The following GUSB variants were observed in gnomAD, a reference collection of about 807,000 sequenced individuals.
GUSB encodes the protein glucuronidase beta, also known as beta-glucuronidase.
A neutral mutation model predicts 74.6 loss-of-function variants in GUSB; 51 were observed. The ratio of observed to expected loss-of-function variants is 0.68; its 90% CI spans 0.55 to 0.86. The LOEUF (loss-of-function observed/expected upper bound fraction) is 0.86. Among genes scored for constraint, GUSB ranks in the 40% least tolerant of loss-of-function variants. GUSB has a pLI of 0.00. For synonymous variants in GUSB, 360 were observed against 348.3 expected, an observed-to-expected ratio of 1.03 and a Z score of -0.37; for missense variants, 736 against 853.7, an observed-to-expected ratio of 0.86 and a Z score of 1.72.
At chr7:65,965,293 C>T (rs1790761498) in intron 10 of GUSB, among the ~76,000 whole-genome samples, 1 of 151,542 alleles carries the variant, frequency 6.6e-6, no homozygotes, top group Non-Finnish European at 1.5e-5. Context: ...GCAGTTCAAG[C>T]TACTTGGGGC....
At chr7:65,962,018 A>G (rs549798702) in intron 11 of GUSB, among the ~76,000 whole-genome samples, 70 of 150,332 alleles carry the variant, frequency 4.7e-4, no homozygotes, top group African/African-American at 1.6e-3. Flanking sequence ...AAAAAAAAGC[A>G]CTAAAAGTTT....
chr7:65,971,823 C>G (rs938029458), intron 8 of GUSB, among the ~76,000 whole-genome samples: 11 of 151,904 alleles, frequency 7.2e-5, no homozygotes, highest in African/African-American at 2.7e-4. Context: ...GGCAGATAAC[C>G]TGAGGTTGGG....
intron 4 of GUSB, among the ~76,000 whole-genome samples, chr7:65,979,059 A>G (rs2116021560): frequency 6.6e-6 from 1 of 152,132 alleles, no homozygotes; most frequent in Middle Eastern, 3.4e-3. Context: ...ATAAGCCACC[A>G]TGCCCGGCGC....
intron 4 of GUSB, among the ~76,000 whole-genome samples, chr7:65,977,451 C>T (rs1791657869): frequency 6.6e-6 from 1 of 152,102 alleles, no homozygotes; most frequent in Non-Finnish European, 1.5e-5. Flanking sequence ...CTGTTCTAAA[C>T]TTAACTTCCA....
At chr7:65,970,424 C>T (rs1419157806) in intron 8 of GUSB, 58 bp from the exon 9 acceptor site, 3 of 1,044,266 alleles carry the variant, frequency 2.9e-6, no homozygotes, top group African/African-American at 1.6e-5. Context: ...CTCAGACACC[C>T]TCCCATCCTC....
In GUSB at chr7:65,980,274, G is replaced by A. The variant is rs753883162; in HGVS notation, c.346C>T (p.Arg116Cys). 49 of 1,610,472 alleles carry A rather than the reference G, an allele frequency of 3.0e-5. No individual in the cohort carries two copies. The highest frequency in any genetic ancestry group is 3.8e-5 in the Non-Finnish European group (45 of 1,178,734). The change falls in exon 2 of 12, where the codon CGC (arginine) becomes TGC (cysteine). Residue 116 changes from arginine (R) to cysteine (C), a missense_variant. Around this residue, in one of 2 missense-constraint regions of GUSB, gnomAD observed 368 missense variants for 363.8 expected, o/e 1.01. Transcript: ENST00000304895. The stretch of plus-strand genomic sequence containing the variant: ...CCAATCCTCAGCACCACTCTTGTGC[G>A]CAGGTCCTGGGTCCATCGCTCCGGC... ...ILPERWTQDL[R>C]TRVVLRIGSA...
chr7:65,969,557 C>T (rs765261348), intron 9 of GUSB, among the ~76,000 whole-genome samples: 2 of 151,800 alleles, frequency 1.3e-5, no homozygotes, highest in Non-Finnish European at 1.5e-5. Flanking sequence ...ATTAGCTAGG[C>T]GCAGTGGTGA....
At chr7:65,973,245 A>G (rs1473542205) in intron 8 of GUSB, among the ~76,000 whole-genome samples, 1 of 152,172 alleles carries the variant, frequency 6.6e-6, no homozygotes, top group Non-Finnish European at 1.5e-5. Flanking sequence ...TGAGGTCAGT[A>G]GTCCAAGACC....
chr7:65,970,198 T>C (rs1323820266), intron 9 of GUSB, 84 bp downstream of exon 9: 1 of 828,870 alleles, frequency 1.2e-6, no homozygotes, highest in Non-Finnish European at 2.1e-6. Context: ...AGCGCATGGT[T>C]CTTCCTGGCT....
intron 8 of GUSB, among the ~76,000 whole-genome samples, chr7:65,971,258 C>T (rs1444594465): frequency 1.3e-5 from 2 of 152,188 alleles, no homozygotes; most frequent in Non-Finnish European, 2.9e-5. Context: ...TCAGCAGTGA[C>T]TCAAATCTAA....
rs1318093221 is a variant in GUSB at position 65,982,055 on chromosome 7, G to T, written c.129C>A (p.Gly43=). The T allele has an allele frequency of 2.5e-6, 4 of 1,610,852 alleles. No homozygotes were observed. In the East Asian group the frequency reaches 8.9e-5, roughly 36 times the overall value. ...SPSRECKELD[G]LWSFRADFSD... Reference sequence around the variant, plus strand: ...AGAAGTCGGCGCGGAAGCTCCAGAGGCCGTCCAGCTCCTTGCACTCCCGCG... The same window carrying T: ...AGAAGTCGGCGCGGAAGCTCCAGAGTCCGTCCAGCTCCTTGCACTCCCGCG... The change falls in exon 1 of 12, where the codon GGC becomes GGA. Residue 43 remains glycine (G), a synonymous_variant. Transcript: ENST00000304895.
chr7:65,961,847 C>T (rs992542606), intron 11 of GUSB, among the ~76,000 whole-genome samples: 1 of 152,030 alleles, frequency 6.6e-6, no homozygotes, highest in African/African-American at 2.4e-5. Context: ...ACTAAAAATA[C>T]AAAAATTATA....
intron 8 of GUSB, among the ~76,000 whole-genome samples, chr7:65,972,737 C>A (rs1174489282): frequency 6.6e-6 from 1 of 152,140 alleles, no homozygotes; most frequent in Non-Finnish European, 1.5e-5. Flanking sequence ...CTGGCCACCT[C>A]CCAAAGAAGC....
chr7:65,964,496 T>C, intron 10 of GUSB, 38 bp from the exon 11 acceptor site: 2 of 1,596,894 alleles, frequency 1.3e-6, no homozygotes, highest in Non-Finnish European at 1.7e-6. Flanking sequence ...GAGTCAGAAC[T>C]GGCAGAATTG....
intron 5 of GUSB, 152 bp downstream of exon 5, chr7:65,975,863 A>AG (rs1791533777): frequency 3.2e-6 from 2 of 624,632 alleles, no homozygotes; most frequent in Non-Finnish European, 5.5e-6. Context: ...AAAAAAAAAA[A>AG]AAAGAAAATG....
intron 6 of GUSB, 43 bp from the exon 7 acceptor site, chr7:65,974,747 C>G (rs1037615628): frequency 6.2e-7 from 1 of 1,604,916 alleles, no homozygotes; most frequent in Non-Finnish European, 8.5e-7. Flanking sequence ...CCTGTCGAAG[C>G]TGCACTTCCT....
chr7:65,968,048 T>A (rs1273781617), intron 9 of GUSB, 141 bp from the exon 10 acceptor site: 1 of 728,064 alleles, frequency 1.4e-6, no homozygotes, highest in African/African-American at 1.7e-5. Context: ...GGAGGATGGC[T>A]TAAGACCAGC....
At chr7:65,979,706 T>A (rs746956912) in intron 3 of GUSB, 21 bp downstream of exon 3, 2 of 1,611,562 alleles carry the variant, frequency 1.2e-6, no homozygotes, top group Non-Finnish European at 1.7e-6. Context: ...GTGTGTGCAA[T>A]GGAGGCAGGA....
At position 65,982,067 on chromosome 7, in the gene GUSB, C is replaced by T; in HGVS notation, c.117G>A (p.Lys39=). Residue 39 remains lysine (K), a synonymous_variant, in exon 1 of 12, where the codon AAG becomes AAA. Coordinates refer to ENST00000304895, the MANE Select transcript of GUSB (RefSeq NM_000181.4). ...YPQESPSREC[K]ELDGLWSFRA... ...GGAAGCTCCAGAGGCCGTCCAGCTC[C>T]TTGCACTCCCGCGACGGGCTCTCCT... The T allele has an allele frequency of 6.2e-7, 1 of 1,609,312 alleles. No homozygotes were observed. The highest frequency in any genetic ancestry group is 8.5e-7 in the Non-Finnish European group (1 of 1,178,600).
Sources: allele counts gnomAD v4.1 joint callset (sites outside exome capture counted in the v4.1 genomes callset), GRCh38; gene constraint gnomAD v4.1.1; regional missense constraint gnomAD v4.1.1; transcripts MANE v1.5; gene names NCBI Gene and HGNC (gene_info 2026-07-23, HGNC 2026-07-21).